Variants in SEMA6D observed in about 807,000 individuals in gnomAD.
SEMA6D encodes the protein semaphorin 6D.
Under a neutral mutation model 106.6 loss-of-function variants are expected in SEMA6D, and 35 were observed. The ratio of observed to expected loss-of-function variants is 0.33; its 90% CI spans 0.25 to 0.44. SEMA6D has a LOEUF of 0.44. SEMA6D is among the 20% of genes least tolerant of loss of function. The pLI, the probability that SEMA6D is intolerant of heterozygous loss-of-function variation, is 1.00. For synonymous variants in SEMA6D, 499 were observed against 487.7 expected (o/e 1.02, Z -0.31); for missense variants, 1,185 against 1,345.9 (o/e 0.88, Z 1.87).
intron 4 of SEMA6D, among the ~76,000 whole-genome samples, chr15:47,611,483 T>C (rs139735754): frequency 1.3e-5 from 2 of 152,318 alleles, no homozygotes; most frequent in East Asian, 3.9e-4. Flanking sequence ...TTGTATACAA[T>C]ATAACGAACG....
intron 1 of SEMA6D, among the ~76,000 whole-genome samples, chr15:47,192,332 C>G (rs1894021123): frequency 6.6e-6 from 1 of 152,160 alleles, no homozygotes; most frequent in Non-Finnish European, 1.5e-5. Context: ...TCTCACAGAG[C>G]CCTGGTGGAA....
chr15:47,388,623 C>T (rs892579923), intron 1 of SEMA6D, among the ~76,000 whole-genome samples: 2 of 152,150 alleles, frequency 1.3e-5, no homozygotes, highest in African/African-American at 4.8e-5. Context: ...CAAGCGTCCA[C>T]TGGGGGTTTT....
intron 1 of SEMA6D, among the ~76,000 whole-genome samples, chr15:47,209,682 A>G (rs746337607): frequency 4.3e-4 from 66 of 152,160 alleles, no homozygotes; most frequent in Non-Finnish European, 7.2e-4. Flanking sequence ...CTTAAGCTGA[A>G]ATCATTCCCT....
intron 4 of SEMA6D, among the ~76,000 whole-genome samples, chr15:47,698,180 C>G (rs2145869122): frequency 6.6e-6 from 1 of 152,024 alleles, no homozygotes; most frequent in Non-Finnish European, 1.5e-5. Context: ...TTTTCATTAT[C>G]CAAAAATAAC....
At chr15:47,305,949 A>G (rs1223793476) in intron 1 of SEMA6D, among the ~76,000 whole-genome samples, 1 of 152,136 alleles carries the variant, frequency 6.6e-6, no homozygotes, top group African/African-American at 2.4e-5. Context: ...ATCACAATAA[A>G]TAATAAGAGG....
intron 4 of SEMA6D, among the ~76,000 whole-genome samples, chr15:47,662,008 T>A (rs1346357336): frequency 2.0e-5 from 3 of 152,148 alleles, no homozygotes; most frequent in African/African-American, 7.2e-5. Flanking sequence ...AGTCTTCAGA[T>A]GTGGTCTGCA....
intron 1 of SEMA6D, among the ~76,000 whole-genome samples, chr15:47,738,424 A>G (rs2080585696): frequency 1.3e-5 from 2 of 152,128 alleles, no homozygotes; most frequent in Non-Finnish European, 2.9e-5. Context: ...GGTTCATTCC[A>G]TGTCTTTGCT....
At chr15:47,198,911 T>A (rs1894535498) in intron 1 of SEMA6D, among the ~76,000 whole-genome samples, 1 of 152,160 alleles carries the variant, frequency 6.6e-6, no homozygotes, top group Non-Finnish European at 1.5e-5. Flanking sequence ...TTTCAATGGG[T>A]ACAGTTTGGA....
chr15:47,621,231 G>A (rs950567257), intron 4 of SEMA6D, among the ~76,000 whole-genome samples: 2 of 152,132 alleles, frequency 1.3e-5, no homozygotes, highest in African/African-American at 4.8e-5. Flanking sequence ...ACTAAAACAT[G>A]CAGTGCTCAC....
chr15:47,399,124 T>A (rs2040314987), intron 1 of SEMA6D, among the ~76,000 whole-genome samples: 1 of 152,220 alleles, frequency 6.6e-6, no homozygotes, highest in Admixed American at 6.5e-5. Context: ...ATTTCCTCAG[T>A]TAAAAAAGAA....
intron 1 of SEMA6D, among the ~76,000 whole-genome samples, chr15:47,217,874 TACACACACAC>T (rs150525483): frequency 2.2e-4 from 31 of 143,146 alleles, no homozygotes; most frequent in African/African-American, 8.1e-4. Flanking sequence ...TGTACACACA[TACACACACAC>T]ACACACACAC....
At chr15:47,387,863 G>C (rs2145756300) in intron 1 of SEMA6D, among the ~76,000 whole-genome samples, 1 of 152,296 alleles carries the variant, frequency 6.6e-6, no homozygotes, top group East Asian at 1.9e-4. Context: ...TGCATAATGA[G>C]AGTAGCACCC....
intron 4 of SEMA6D, among the ~76,000 whole-genome samples, chr15:47,650,376 G>A (rs2077663713): frequency 6.6e-6 from 1 of 152,182 alleles, no homozygotes; most frequent in African/African-American, 2.4e-5. Flanking sequence ...CTATAACTAT[G>A]TGGGAACTCA....
At chr15:47,759,938 T>C in intron 2 of SEMA6D, 31 bp downstream of exon 2, 3 of 1,471,658 alleles carry the variant, frequency 2.0e-6, no homozygotes, top group Non-Finnish European at 2.9e-6. Flanking sequence ...TCTTCTATTC[T>C]GAGAAGGAAG....
intron 3 of SEMA6D, among the ~76,000 whole-genome samples, chr15:47,514,949 C>T (rs1247594933): frequency 6.6e-6 from 1 of 152,168 alleles, no homozygotes; most frequent in African/African-American, 2.4e-5. Context: ...TTTATATATA[C>T]TTGAAAGTTG....
chr15:47,588,609 C>A (rs1302613324), intron 3 of SEMA6D, among the ~76,000 whole-genome samples: 3 of 152,142 alleles, frequency 2.0e-5, no homozygotes, highest in African/African-American at 7.2e-5. Flanking sequence ...CAGGCATTTG[C>A]AATTGCAGTT....
chr15:47,656,645 C>G (rs979629400), intron 4 of SEMA6D, among the ~76,000 whole-genome samples: 19 of 152,156 alleles, frequency 1.2e-4, no homozygotes, highest in African/African-American at 4.1e-4. Context: ...TTCTAGGAAG[C>G]CTTCAAACTT....
chr15:47,589,611 T>G (rs2076403296), intron 3 of SEMA6D, among the ~76,000 whole-genome samples: 1 of 152,260 alleles, frequency 6.6e-6, no homozygotes, highest in African/African-American at 2.4e-5. Flanking sequence ...CCACCTTCTT[T>G]GCTTTATAGG....
At chr15:47,370,935 G>T (rs1035068091) in intron 1 of SEMA6D, among the ~76,000 whole-genome samples, 14 of 152,138 alleles carry the variant, frequency 9.2e-5, no homozygotes, top group African/African-American at 3.1e-4. Flanking sequence ...AATGTGGAAA[G>T]GAACAAAGGG....
Sources: allele counts gnomAD v4.1 joint callset (sites outside exome capture counted in the v4.1 genomes callset), GRCh38; gene constraint gnomAD v4.1.1; transcripts MANE v1.5; gene names NCBI Gene and HGNC (gene_info 2026-07-23, HGNC 2026-07-21).